PHLDB2: variants seen among roughly 807,000 people sequenced by gnomAD.
The protein encoded by PHLDB2 is pleckstrin homology-like domain family B member 2.
Under a neutral mutation model 123.6 loss-of-function variants are expected in PHLDB2, and 71 were observed. The ratio of observed to expected loss-of-function variants is 0.57; its 90% CI spans 0.47 to 0.70. The LOEUF is 0.70. Ranked by LOEUF, PHLDB2 falls within the 30% of genes least tolerant of loss-of-function variation. The pLI is 0.00. For missense variants in PHLDB2, 1,446 were observed against 1,519.5 expected (o/e 0.95, Z 0.80); for synonymous variants, 547 against 541.6 (o/e 1.01, Z -0.14).
chr3:111,831,034 G>GAAGGAAGAAAGA (rs2063002955), intron 1 of PHLDB2, among the ~76,000 whole-genome samples: 1 of 46,136 alleles, frequency 2.2e-5, no homozygotes, highest in African/African-American at 8.3e-5. Context: ...AGAAAGAAAG[G>GAAGGAAGAAAGA]AAGGAAGGAA....
At chr3:111,876,645 C>T (rs574615246) in intron 1 of PHLDB2, among the ~76,000 whole-genome samples, 18 of 152,074 alleles carry the variant, frequency 1.2e-4, no homozygotes, top group South Asian at 1.0e-3. Context: ...TAGGTATACA[C>T]GTGCCATGGT....
At chr3:111,736,379 G>C (rs949678282) in intron 1 of PHLDB2, among the ~76,000 whole-genome samples, 1 of 152,108 alleles carries the variant, frequency 6.6e-6, no homozygotes, top group Admixed American at 6.6e-5. Context: ...TTTCAAAACT[G>C]TCCAGTATGT....
intron 8 of PHLDB2, among the ~76,000 whole-genome samples, chr3:111,941,889 G>C (rs1205613528): frequency 2.6e-5 from 4 of 152,124 alleles, no homozygotes; most frequent in African/African-American, 9.7e-5. Context: ...AGCCCATTTG[G>C]GGTGCCCCAG....
At chr3:111,867,492 T>G (rs2065141917) in intron 1 of PHLDB2, among the ~76,000 whole-genome samples, 1 of 152,218 alleles carries the variant, frequency 6.6e-6, no homozygotes, top group Admixed American at 6.5e-5. Context: ...ATGCTAATCT[T>G]GTTTCATTTG....
intron 2 of PHLDB2, among the ~76,000 whole-genome samples, chr3:111,890,726 G>T (rs932700176): frequency 2.0e-5 from 3 of 151,888 alleles, no homozygotes; most frequent in Non-Finnish European, 4.4e-5. Context: ...ATTAAAGATC[G>T]AACTGTAATT....
At chr3:111,853,884 A>T (rs2064368040) in intron 2 of PHLDB2, among the ~76,000 whole-genome samples, 1 of 152,182 alleles carries the variant, frequency 6.6e-6, no homozygotes, top group Non-Finnish European at 1.5e-5. Flanking sequence ...AAAAAAAAAA[A>T]AATAGTTCTT....
At position 111,859,532 on chromosome 3, in the gene PHLDB2, G is replaced by T. The variant is rs1326772033; in HGVS notation, c.-59G>T. 1.3e-5 allele frequency: 13 copies of T among 985,492 alleles called. No individual in the cohort carries two copies. The highest frequency in any genetic ancestry group is 2.3e-4 in the East Asian group (2 of 8,822). 61.0% of individuals were successfully genotyped at this position (985,492 alleles called of 1,614,324 possible). On this transcript the variant is annotated 5_prime_UTR_variant, in exon 1 of 18. Coordinates refer to ENST00000431670, the MANE Select transcript of PHLDB2 (RefSeq NM_001134438.2). ...CGGTGTGGCGTGGCGCAAGGAGCGC[G>T]CCTGCCTTCTCTCGCCGCCGGGAAC...
chr3:111,795,678 A>G (rs928567393), intron 1 of PHLDB2, among the ~76,000 whole-genome samples: 3 of 152,108 alleles, frequency 2.0e-5, no homozygotes, highest in Non-Finnish European at 4.4e-5. Context: ...ATCATTCAAC[A>G]TGCCTCAGTT....
intron 2 of PHLDB2, among the ~76,000 whole-genome samples, chr3:111,912,427 A>G (rs1282949): frequency 0.064 from 9,673 of 152,248 alleles, 481 homozygotes; most frequent in African/African-American, 0.13. Context: ...TTAATGACCT[A>G]TGAATTTGAG....
At chr3:111,872,042 A>G (rs1386314817) in intron 1 of PHLDB2, among the ~76,000 whole-genome samples, 1 of 152,226 alleles carries the variant, frequency 6.6e-6, no homozygotes, top group East Asian at 1.9e-4. Context: ...TAACAAGAGC[A>G]CTGGGTGGAT....
chr3:111,947,243 G>A (rs1244878858), intron 9 of PHLDB2, among the ~76,000 whole-genome samples: 1 of 152,168 alleles, frequency 6.6e-6, no homozygotes, highest in Non-Finnish European at 1.5e-5. Flanking sequence ...TTCCTTTTCT[G>A]TTAATGAGTT....
chr3:111,968,929 G>A (rs368220740), intron 15 of PHLDB2, among the ~76,000 whole-genome samples: 1 of 152,006 alleles, frequency 6.6e-6, no homozygotes, highest in African/African-American at 2.4e-5. Flanking sequence ...TCATTTCCCC[G>A]AGGCAAAGAG....
intron 1 of PHLDB2, among the ~76,000 whole-genome samples, chr3:111,787,808 G>A (rs2060755181): frequency 6.6e-6 from 1 of 152,292 alleles, no homozygotes; most frequent in South Asian, 2.1e-4. Flanking sequence ...ATTCTGGGGT[G>A]AATCCAACCT....
intron 2 of PHLDB2, among the ~76,000 whole-genome samples, chr3:111,893,787 G>C (rs2066635691): frequency 6.8e-6 from 1 of 148,138 alleles, no homozygotes; most frequent in South Asian, 2.1e-4. Flanking sequence ...GTGAAATTAG[G>C]TATAATATAT....
intron 5 of PHLDB2, 75 bp from the exon 6 acceptor site, chr3:111,932,194 T>TG: frequency 6.9e-7 from 1 of 1,457,416 alleles, no homozygotes; most frequent in East Asian, 2.5e-5. Context: ...ATGTTATCCT[T>TG]GAGAAATGTT....
chr3:111,823,302 T>G (rs370002008), intron 1 of PHLDB2, among the ~76,000 whole-genome samples: 108 of 152,358 alleles, frequency 7.1e-4, no homozygotes, highest in African/African-American at 2.5e-3. Flanking sequence ...CAAGCTAGCA[T>G]GCCTGAGAAA....
chr3:111,767,615 C>A (rs746242875), intron 1 of PHLDB2, among the ~76,000 whole-genome samples: 1 of 152,146 alleles, frequency 6.6e-6, no homozygotes, highest in Non-Finnish European at 1.5e-5. Context: ...CCACATTTAG[C>A]TATGAAATTA....
intron 1 of PHLDB2, among the ~76,000 whole-genome samples, chr3:111,803,849 A>G (rs1427263845): frequency 6.6e-6 from 1 of 152,244 alleles, no homozygotes; most frequent in Non-Finnish European, 1.5e-5. Context: ...AACAAAGCGT[A>G]GATTTGTTCC....
chr3:111,800,073 C>T (rs895023661), intron 1 of PHLDB2, among the ~76,000 whole-genome samples: 7 of 152,206 alleles, frequency 4.6e-5, no homozygotes, highest in East Asian at 1.9e-4. Flanking sequence ...GGCACAATCA[C>T]GGCTCACTGC....
Sources: gnomAD v4.1 joint callset for allele counts (sites outside exome capture counted in the v4.1 genomes callset) on GRCh38, gnomAD v4.1.1 for gene constraint, MANE v1.5 for transcripts, NCBI Gene and HGNC (gene_info 2026-07-23, HGNC 2026-07-21) for gene names.